KIF25: variants seen among roughly 807,000 people sequenced by gnomAD.
The protein encoded by KIF25 is kinesin-like protein KIF25.
In KIF25, 19 loss-of-function variants were observed where a neutral mutation model predicts 32.9. The observed-to-expected ratio is 0.58, with a 90% CI of 0.40 to 0.85. KIF25 has a LOEUF of 0.85. Among genes scored for constraint, KIF25 ranks in the 40% least tolerant of loss-of-function variants. The pLI is 0.00. For synonymous variants in KIF25, 225 were observed against 213.7 expected (o/e 1.05, Z -0.46); for missense variants, 485 against 507.0 (o/e 0.96, Z 0.42).
chr6:168,034,716 A>G (rs1798991624), intron 8 of KIF25, among the ~76,000 whole-genome samples: 1 of 152,078 alleles, frequency 6.6e-6, no homozygotes, highest in Non-Finnish European at 1.5e-5. Flanking sequence ...CGCCATCAGG[A>G]GTGTATGCAT....
chr6:168,028,441 T>A (rs1798895088), intron 5 of KIF25, among the ~76,000 whole-genome samples: 1 of 152,220 alleles, frequency 6.6e-6, no homozygotes, highest in Admixed American at 6.5e-5. Flanking sequence ...TGTATCTGTC[T>A]TCCTTCGGCC....
At chr6:168,025,912 C>T (rs888402110) in intron 5 of KIF25, among the ~76,000 whole-genome samples, 1 of 152,176 alleles carries the variant, frequency 6.6e-6, no homozygotes, top group African/African-American at 2.4e-5. Context: ...CAGAGAAATT[C>T]CTGTGGGCAA....
At chr6:168,013,363 C>T (rs1583129014) in intron 4 of KIF25, among the ~76,000 whole-genome samples, 1 of 151,934 alleles carries the variant, frequency 6.6e-6, no homozygotes, top group African/African-American at 2.4e-5. Flanking sequence ...ATCCTGGGCC[C>T]GGGATCCATG....
chr6:168,011,711 C>T (rs1798648704), intron 4 of KIF25, among the ~76,000 whole-genome samples: 2 of 152,158 alleles, frequency 1.3e-5, no homozygotes, highest in African/African-American at 4.8e-5. Flanking sequence ...ACCTAGATGT[C>T]CATTTCTCTC....
intron 5 of KIF25, among the ~76,000 whole-genome samples, chr6:168,028,710 T>A (rs566959440): frequency 5.2e-5 from 8 of 152,392 alleles, no homozygotes; most frequent in Non-Finnish European, 1.0e-4. Context: ...ATGAGTTGAC[T>A]CTTCTATTCA....
At chr6:168,003,113 G>T (rs937373797) in intron 3 of KIF25, among the ~76,000 whole-genome samples, 1 of 152,196 alleles carries the variant, frequency 6.6e-6, no homozygotes, top group South Asian at 2.1e-4. Flanking sequence ...CCAGGGATTT[G>T]GGACCCTTGT....
intron 11 of KIF25, 36 bp from the exon 12 acceptor site, chr6:168,042,525 G>C: frequency 6.3e-7 from 1 of 1,592,234 alleles, no homozygotes; most frequent in Non-Finnish European, 8.6e-7. Flanking sequence ...TCCTTTCTTG[G>C]TGCAAACGGT....
At chr6:168,030,875 C>T (rs1395057508) in intron 7 of KIF25, 28 bp downstream of exon 7, 2 of 1,512,464 alleles carry the variant, frequency 1.3e-6, no homozygotes, top group African/African-American at 1.4e-5. Context: ...TAAGGCCAGT[C>T]ATCATAGTTA....
At chr6:168,043,475 C>T (rs1035614270) in intron 12 of KIF25, among the ~76,000 whole-genome samples, 10 of 152,182 alleles carry the variant, frequency 6.6e-5, no homozygotes, top group Non-Finnish European at 1.2e-4. Context: ...GCTCGGGACT[C>T]GGGGAGGCTG....
In KIF25 at chr6:167,998,377, G is replaced by A. The variant is rs1480160603; in HGVS notation, c.-1092G>A. On this transcript the variant is annotated 5_prime_UTR_variant, in exon 1 of 13. Coordinates refer to ENST00000643607, the MANE Select transcript of KIF25 (RefSeq NM_030615.4). ...TCTGTGGGTTCATAGAGACCAGACG[G>A]AGGCTGTAAATCATTGGCCTATGAC... The A allele has an allele frequency of 6.6e-6, 1 of 152,186 alleles. No homozygotes were observed. Among genetic ancestry groups the A allele is most frequent in the Non-Finnish European group, 1.5e-5 (1 of 68,040 alleles). The allele number at this position is 152,186 out of a possible 1,614,324, so 9.4% of individuals were successfully genotyped here. A position where few individuals can be genotyped will look rare whatever the true frequency, so the allele number is the denominator to read the frequency against.
Position 168,042,117 on chromosome 6 carries a change from ACAGCTCGTGGACTCGGCCGG to A in KIF25, c.800_819del (p.Leu267ArgfsTer130), listed in dbSNP as rs1208022251. Reference sequence around the variant, plus strand: ...ATGCGGAGCAGGTGCAGGCTCGACTACAGCTCGTGGACTCGGCCGGCAGCGAGTGCGTTGGTGAGCAGGGG... The same window carrying A: ...ATGCGGAGCAGGTGCAGGCTCGACTACAGCGAGTGCGTTGGTGAGCAGGGG... On this transcript the variant is annotated frameshift_variant, in exon 11 of 13. Transcript: ENST00000643607. LOFTEE classifies it high-confidence loss of function. 4 of 1,550,970 alleles carry A rather than the reference ACAGCTCGTGGACTCGGCCGG, an allele frequency of 2.6e-6. No individual in the cohort carries two copies. The highest frequency in any genetic ancestry group is 3.5e-6 in the Non-Finnish European group (4 of 1,147,634).
intron 4 of KIF25, among the ~76,000 whole-genome samples, chr6:168,005,001 T>C (rs563221880): frequency 2.0e-5 from 3 of 152,296 alleles, no homozygotes; most frequent in East Asian, 1.9e-4. Flanking sequence ...GCTTCTCTAG[T>C]AATAACTTTT....
At chr6:168,033,846 T>G in intron 7 of KIF25, 36 bp from the exon 8 acceptor site, 1 of 1,587,656 alleles carries the variant, frequency 6.3e-7, no homozygotes, top group South Asian at 1.1e-5. Context: ...GGCACCCACG[T>G]GTGTTTTGCT....
chr6:168,042,600 C>T lies in KIF25; in HGVS notation c.869C>T (p.Ala290Val), dbSNP rs779727454. Residue 290 changes from alanine (A) to valine (V), a missense_variant, in exon 12 of 13, where the codon GCG becomes GTG. Ala to Val is a moderately conservative substitution (Grantham distance 64). Transcript: ENST00000643607. ...GVTGLALREMACISRSLAALA... is the reference protein window; with the variant it reads ...GVTGLALREMVCISRSLAALA... ...ACCGGGTTGGCCCTGAGGGAGATGG[C>T]GTGCATCAGCCGCAGCCTTGCGGCC... 46 of 1,613,938 alleles carry T rather than the reference C, an allele frequency of 2.9e-5. No individual in the cohort carries two copies. Among genetic ancestry groups the T allele is most frequent in the Non-Finnish European group, 3.6e-5 (43 of 1,179,982 alleles).
intron 7 of KIF25, among the ~76,000 whole-genome samples, chr6:168,032,090 A>C (rs534865572): frequency 6.6e-6 from 1 of 152,238 alleles, no homozygotes; most frequent in African/African-American, 2.4e-5. Flanking sequence ...GCAGCTTCAG[A>C]GAGAACAGAG....
At chr6:168,002,989 G>A (rs1296320746) in intron 3 of KIF25, among the ~76,000 whole-genome samples, 1 of 152,172 alleles carries the variant, frequency 6.6e-6, no homozygotes, top group East Asian at 1.9e-4. Context: ...ACAGGAGGTG[G>A]AGCTCAGGCA....
intron 7 of KIF25, among the ~76,000 whole-genome samples, 183 bp from the exon 8 acceptor site, chr6:168,033,699 C>T (rs1798973699): frequency 6.6e-6 from 1 of 152,018 alleles, no homozygotes; most frequent in African/African-American, 2.4e-5. Context: ...AACAAGATAG[C>T]AACAAGGATA....
chr6:168,019,903 G>A (rs571524554), intron 5 of KIF25, among the ~76,000 whole-genome samples: 1 of 152,284 alleles, frequency 6.6e-6, no homozygotes, highest in South Asian at 2.1e-4. Flanking sequence ...GGGAGGCCAA[G>A]GCGGGTGGCT....
chr6:168,025,344 G>A (rs1475765230), intron 5 of KIF25, among the ~76,000 whole-genome samples: 1 of 152,174 alleles, frequency 6.6e-6, no homozygotes, highest in Non-Finnish European at 1.5e-5. Context: ...TCATCTCTTG[G>A]AATAGTGTTT....
Sources: allele counts gnomAD v4.1 joint callset (sites outside exome capture counted in the v4.1 genomes callset), GRCh38; gene constraint gnomAD v4.1.1; transcripts MANE v1.5; gene names NCBI Gene and HGNC (gene_info 2026-07-23, HGNC 2026-07-21).